The following CLIP1 variants were observed in gnomAD, a reference collection of about 807,000 sequenced individuals.
The protein encoded by CLIP1 is CAP-Gly domain containing linker protein 1, also known as CAP-Gly domain-containing linker protein 1.
In CLIP1, 66 loss-of-function variants were observed where a neutral mutation model predicts 161.6. That is an observed-to-expected ratio of 0.41 (90% confidence interval 0.33 to 0.50). The LOEUF is 0.50. CLIP1 is among the 20% of genes least tolerant of loss of function. CLIP1 has a pLI of 0.27. For missense variants in CLIP1, 1,376 were observed against 1,702.0 expected, an observed-to-expected ratio of 0.81 and a Z score of 3.37; for synonymous variants, 598 against 626.2, an observed-to-expected ratio of 0.96 and a Z score of 0.67.
At chr12:122,318,964 C>T (rs1411750650) in intron 18 of CLIP1, among the ~76,000 whole-genome samples, 1 of 152,176 alleles carries the variant, frequency 6.6e-6, no homozygotes, top group East Asian at 1.9e-4. Context: ...AAAGCTAGAG[C>T]AGGCCATCAG....
chr12:122,390,934 A>G (rs578062937), intron 1 of CLIP1, among the ~76,000 whole-genome samples: 2 of 152,236 alleles, frequency 1.3e-5, no homozygotes, highest in East Asian at 3.9e-4. Context: ...CGCACCAGGG[A>G]GTAGGGCTCC....
At chr12:122,405,659 A>G (rs1956304226) in intron 1 of CLIP1, among the ~76,000 whole-genome samples, 1 of 151,080 alleles carries the variant, frequency 6.6e-6, no homozygotes, top group African/African-American at 2.4e-5. Flanking sequence ...GTGGTGGTAC[A>G]CACCTATAAT....
chr12:122,360,873 G>A (rs1953750240), intron 5 of CLIP1, 86 bp downstream of exon 5: 1 of 1,073,698 alleles, frequency 9.3e-7, no homozygotes, highest in Non-Finnish European at 1.3e-6. Context: ...GACAAGCAAA[G>A]CAGCAAAGCA....
intron 20 of CLIP1, among the ~76,000 whole-genome samples, chr12:122,300,638 CA>C (rs63496760): frequency 0.022 from 3,392 of 152,260 alleles, 60 homozygotes; most frequent in Non-Finnish European, 0.034. Flanking sequence ...GATCTCAGCT[CA>C]CTGCAACCTC....
chr12:122,278,316 G>A (rs866404074), intron 23 of CLIP1, 113 bp from the exon 24 acceptor site: 1 of 960,046 alleles, frequency 1.0e-6, no homozygotes, highest in Non-Finnish European at 1.6e-6. Flanking sequence ...ATTTTCCTGT[G>A]GACTTCCCAG....
rs895638029 is a variant in CLIP1, at chr12:122,327,891, C to T, written c.3249+56G>A. 21 of 1,553,786 alleles carry T rather than the reference C, an allele frequency of 1.4e-5. No homozygotes were observed. The South Asian group carries it at 2.4e-4, about 18-fold the overall frequency. ...GCTGCTTTCTAAGCACCCTTCCTGC[C>T]TCGACACAGAGCTCAGGCAAGCTAC... On this transcript the variant is annotated intron_variant, in intron 17 of 25. Coordinates refer to ENST00000620786, the MANE Select transcript of CLIP1 (RefSeq NM_001247997.2).
At chr12:122,339,717 G>A (rs1346979257) in intron 11 of CLIP1, among the ~76,000 whole-genome samples, 1 of 152,272 alleles carries the variant, frequency 6.6e-6, no homozygotes, top group East Asian at 1.9e-4. Flanking sequence ...CATTGCTTAA[G>A]AACCAGGATA....
At chr12:122,367,427 T>C (rs752669503) in intron 3 of CLIP1, among the ~76,000 whole-genome samples, 1 of 152,240 alleles carries the variant, frequency 6.6e-6, no homozygotes, top group Non-Finnish European at 1.5e-5. Context: ...AATCAGTAGT[T>C]ATTCTATGGA....
chr12:122,412,611 C>T (rs574297080), intron 1 of CLIP1, among the ~76,000 whole-genome samples: 2 of 152,062 alleles, frequency 1.3e-5, no homozygotes, highest in African/African-American at 4.8e-5. Context: ...GTCAAGATCA[C>T]GCCACTGCAC....
chr12:122,358,244 G>T (rs1368239428), intron 5 of CLIP1, among the ~76,000 whole-genome samples: 1 of 151,248 alleles, frequency 6.6e-6, no homozygotes. Context: ...AAGGCAGCAT[G>T]CTCGTTAAGA....
In CLIP1 at chr12:122,334,041, C is replaced by T; in HGVS notation, c.2696G>A (p.Arg899Lys). ...NMLSSDLEKL[R>K]ENLADMEAKF... ...TGTCTTCTTACCTGCTAAGTTTTCT[C>T]TCAGCTTCTCCAAGTCAGAAGACAG... The change falls in exon 14 of 26, where the codon AGA becomes AAA. Residue 899 changes from arginine to lysine, a missense_variant. This residue lies in a region of CLIP1 where 948 missense variants were observed against 1,134.8 expected (regional missense o/e 0.84). Transcript: ENST00000620786. The T allele has an allele frequency of 6.2e-7, 1 of 1,611,484 alleles. No individual in the cohort carries two copies. The highest frequency in any genetic ancestry group is 8.5e-7 in the Non-Finnish European group (1 of 1,177,668).
chr12:122,358,101 T>A (rs1593155095), intron 5 of CLIP1, among the ~76,000 whole-genome samples: 1 of 152,130 alleles, frequency 6.6e-6, no homozygotes, highest in African/African-American at 2.4e-5. Flanking sequence ...CTAAGAAAAA[T>A]TCTTCTGCCT....
intron 15 of CLIP1, among the ~76,000 whole-genome samples, chr12:122,331,927 G>A (rs1327741741): frequency 2.6e-5 from 4 of 151,960 alleles, no homozygotes; most frequent in Admixed American, 2.0e-4. Context: ...CCTGGGAGGT[G>A]AAGGCTGCAG....
rs758449656 is a variant in CLIP1 at position 122,361,109 on chromosome 12, G to A, written c.855C>T (p.Ser285=). The change falls in exon 5 of 26, where the codon TCC becomes TCT. Residue 285 remains serine (S), a synonymous_variant. Transcript: ENST00000620786. ...VHKVTKIGFP[S]TTPAKAKANA... ...TGGCCTTGGCTTTGGCTGGTGTAGT[G>A]GAAGGGAAGCCAATCTTGGTAACTT... 12 of 1,614,110 alleles carry A rather than the reference G, an allele frequency of 7.4e-6. No individual in the cohort carries two copies. In the East Asian group the frequency reaches 8.9e-5, roughly 12 times the overall value.
At chr12:122,359,672 A>G (rs1953680529) in intron 5 of CLIP1, among the ~76,000 whole-genome samples, 1 of 152,212 alleles carries the variant, frequency 6.6e-6, no homozygotes. Flanking sequence ...CTACCTGAAC[A>G]TAGAGGAAGG....
chr12:122,422,907 G>A (rs191280524), upstream of CLIP1, among the ~76,000 whole-genome samples: 12 of 152,172 alleles, frequency 7.9e-5, no homozygotes, highest in Non-Finnish European at 1.6e-4. Context: ...AAGGTGCGAG[G>A]GAAAACCCAC....
chr12:122,380,884 C>T (rs1954981338), intron 1 of CLIP1, among the ~76,000 whole-genome samples: 1 of 151,832 alleles, frequency 6.6e-6, no homozygotes, highest in Admixed American at 6.6e-5. Flanking sequence ...ATAGCAAGAC[C>T]CTGTCTCTAC....
chr12:122,339,508 T>C (rs1952394977), intron 11 of CLIP1, among the ~76,000 whole-genome samples: 1 of 152,040 alleles, frequency 6.6e-6, no homozygotes, highest in South Asian at 2.1e-4. Flanking sequence ...TGGCTAATTT[T>C]TGTATTTTTA....
chr12:122,382,661 G>A (rs1223392601), intron 1 of CLIP1, among the ~76,000 whole-genome samples: 2 of 152,012 alleles, frequency 1.3e-5, no homozygotes, highest in East Asian at 1.9e-4. Context: ...AGCCGAGATC[G>A]TGCACTGCAC....
Sources: gnomAD v4.1 joint callset for allele counts (sites outside exome capture counted in the v4.1 genomes callset) on GRCh38, gnomAD v4.1.1 for gene constraint, gnomAD v4.1.1 regional missense constraint, MANE v1.5 for transcripts, NCBI Gene and HGNC (gene_info 2026-07-23, HGNC 2026-07-21) for gene names.